TBC1D22A: variants seen among roughly 807,000 people sequenced by gnomAD.
The protein encoded by TBC1D22A is putative GTPase activator.
In TBC1D22A, 38 loss-of-function variants were observed where a neutral mutation model predicts 60.2. The observed-to-expected ratio is 0.63, with a 90% CI of 0.49 to 0.83. The LOEUF (loss-of-function observed/expected upper bound fraction) is 0.83, where lower values mean the gene tolerates loss of function less well. TBC1D22A is among the 40% of genes least tolerant of loss of function. The probability of loss-of-function intolerance (pLI) is 0.00; values close to 1 mark genes in which losing one functional copy is unlikely to be tolerated. For synonymous variants in TBC1D22A, 302 were observed against 281.7 expected, an observed-to-expected ratio of 1.07 and a Z score of -0.72; for missense variants, 628 against 701.0, an observed-to-expected ratio of 0.90 and a Z score of 1.18.
chr22:47,173,374 C>G (rs376516656), intron 12 of TBC1D22A, 124 bp from the exon 13 acceptor site: 1 of 1,321,510 alleles, frequency 7.6e-7, no homozygotes, highest in African/African-American at 1.5e-5. Flanking sequence ...CCTGGATCAC[C>G]CGCCCTGCAC....
chr22:46,987,180 C>T (rs1012962893), intron 9 of TBC1D22A, among the ~76,000 whole-genome samples: 5 of 152,140 alleles, frequency 3.3e-5, no homozygotes, highest in African/African-American at 7.2e-5. Flanking sequence ...GCCCCCTGTA[C>T]GCTTTTGGTG....
At chr22:46,987,154 T>TGTACTCAGAAGTCATGCCCCC (rs1483753095) in intron 9 of TBC1D22A, among the ~76,000 whole-genome samples, 2 of 152,166 alleles carry the variant, frequency 1.3e-5, no homozygotes, top group African/African-American at 4.8e-5. Flanking sequence ...AGTCACACAC[T>TGTACTCAGAAGTCATGCCCCC]GTACTCAGAA....
intron 1 of TBC1D22A, among the ~76,000 whole-genome samples, chr22:46,782,439 A>C (rs2083980218): frequency 6.6e-6 from 1 of 152,148 alleles, no homozygotes; most frequent in Admixed American, 6.5e-5. Context: ...CCTTCCTGGG[A>C]CACAATGGGG....
chr22:47,097,079 T>C (rs1481055817), intron 11 of TBC1D22A, among the ~76,000 whole-genome samples: 1 of 152,066 alleles, frequency 6.6e-6, no homozygotes, highest in Non-Finnish European at 1.5e-5. Flanking sequence ...CCACGTGGCC[T>C]CCACATGAGT....
chr22:46,975,042 A>G (rs913501954), intron 9 of TBC1D22A, among the ~76,000 whole-genome samples: 1 of 152,208 alleles, frequency 6.6e-6, no homozygotes, highest in African/African-American at 2.4e-5. Flanking sequence ...GTACCTGGGA[A>G]GGACCTTGTT....
At chr22:46,891,215 C>CTTAATAA (rs2068387260) in intron 5 of TBC1D22A, 51 bp from the exon 6 acceptor site, 2 of 1,538,804 alleles carry the variant, frequency 1.3e-6, no homozygotes, top group Non-Finnish European at 8.7e-7. Flanking sequence ...ATAATAGGGA[C>CTTAATAA]TCCATGAATT....
chr22:47,040,568 G>T (rs573656135), intron 11 of TBC1D22A, among the ~76,000 whole-genome samples: 1 of 151,986 alleles, frequency 6.6e-6, no homozygotes, highest in East Asian at 1.9e-4. Context: ...AAGCTCGGAT[G>T]GGGGGTGGGT....
chr22:46,972,365 G>T (rs77190180), intron 8 of TBC1D22A, among the ~76,000 whole-genome samples: 3,617 of 152,300 alleles, frequency 0.024, 62 homozygotes, highest in South Asian at 0.059. Flanking sequence ...GGCTCTCTGT[G>T]TCCACATTAC....
chr22:46,848,201 C>T (rs1158034743), intron 4 of TBC1D22A, among the ~76,000 whole-genome samples: 3 of 152,254 alleles, frequency 2.0e-5, no homozygotes, highest in African/African-American at 7.2e-5. Context: ...TCCCCACTCC[C>T]TCCAAAAAAA....
chr22:46,892,494 G>C (rs569783166), intron 6 of TBC1D22A, among the ~76,000 whole-genome samples: 1 of 152,146 alleles, frequency 6.6e-6, no homozygotes, highest in Non-Finnish European at 1.5e-5. Context: ...CCCCTGGCCC[G>C]TGTTGCCTTC....
At position 46,797,496 on chromosome 22, in the gene TBC1D22A, G is replaced by C; in HGVS notation, c.513G>C (p.Ser171=). 1.2e-6 allele frequency: 2 copies of C among 1,613,738 alleles called. No homozygotes were observed. Among genetic ancestry groups the C allele is most frequent in the Non-Finnish European group, 1.7e-6 (2 of 1,180,024 alleles). ...PLQRSQSLPH[S]ATVTLGGTSD... is the part of the protein sequence containing the mutation. Reference sequence around the variant, plus strand: ...AGAGGTCCCAGTCTCTCCCACACTCGGCCACCGTCACGCTGGGTGGCACAT... The same window carrying C: ...AGAGGTCCCAGTCTCTCCCACACTCCGCCACCGTCACGCTGGGTGGCACAT... Residue 171 remains serine (S), a synonymous_variant, in exon 4 of 13, where the codon TCG becomes TCC. Transcript: ENST00000337137.
chr22:46,889,892 G>C lies in TBC1D22A; in HGVS notation c.709-1374G>C, dbSNP rs545645407. Among the ~76,000 whole-genome samples, 5 of 152,316 alleles carry C rather than the reference G, an allele frequency of 3.3e-5. No individual in the cohort carries two copies. The South Asian group carries it at 1.0e-3, about 32-fold the overall frequency. Reference sequence around the variant, plus strand: ...GGGGCGGGGGGATAGAAGTGTGTCTGTATCTTCCTTGGAGCAGGAGTTACA... The same window carrying C: ...GGGGCGGGGGGATAGAAGTGTGTCTCTATCTTCCTTGGAGCAGGAGTTACA... On this transcript the variant is annotated intron_variant, in intron 5 of 12. Coordinates refer to ENST00000337137, the MANE Select transcript of TBC1D22A (RefSeq NM_014346.5).
intron 4 of TBC1D22A, among the ~76,000 whole-genome samples, chr22:46,873,718 G>C (rs1378102226): frequency 3.3e-5 from 5 of 151,778 alleles, no homozygotes; most frequent in Non-Finnish European, 7.4e-5. Flanking sequence ...TTGGTTTCCT[G>C]TTCCCGCGTT....
chr22:47,088,141 C>T (rs1328910928), intron 11 of TBC1D22A, among the ~76,000 whole-genome samples: 1 of 151,728 alleles, frequency 6.6e-6, no homozygotes, highest in Non-Finnish European at 1.5e-5. Flanking sequence ...TGGATTCTGC[C>T]CTTTGAAAAA....
chr22:46,938,195 G>A (rs6009064), intron 8 of TBC1D22A, among the ~76,000 whole-genome samples: 7 of 152,286 alleles, frequency 4.6e-5, no homozygotes, highest in African/African-American at 7.2e-5. Context: ...AAATGCCTTA[G>A]ACAGGTGTAC....
At chr22:47,149,336 A>G (rs5766699) in intron 12 of TBC1D22A, among the ~76,000 whole-genome samples, 77,104 of 152,168 alleles carry the variant, frequency 0.51, 21,225 homozygotes, top group East Asian at 0.76. Flanking sequence ...TTTCCCTCAA[A>G]TGGCTTTCAA....
chr22:46,885,121 C>G lies in TBC1D22A; in HGVS notation c.709-6145C>G, dbSNP rs553407701. On this transcript the variant is annotated intron_variant, in intron 5 of 12. Coordinates refer to ENST00000337137, the MANE Select transcript of TBC1D22A (RefSeq NM_014346.5). ...ACTGATGGACAGTCACCTGTGAGCCCGGCCAGTCTTCAGCGTCTCTGTATC... is the reference window on the plus strand; with the variant it reads ...ACTGATGGACAGTCACCTGTGAGCCGGGCCAGTCTTCAGCGTCTCTGTATC... 4.5e-4 allele frequency among the ~76,000 whole-genome samples: 68 copies of G among 152,322 alleles called. 1 individual carries two copies. In the Middle Eastern group the frequency reaches 0.024, roughly 53 times the overall value.
chr22:46,890,799 C>T (rs759253394), intron 5 of TBC1D22A, among the ~76,000 whole-genome samples: 8 of 152,110 alleles, frequency 5.3e-5, no homozygotes, highest in African/African-American at 2.4e-5. Flanking sequence ...TACGTACACA[C>T]GTATGTGTGT....
At chr22:46,996,356 C>T (rs1408213798) in intron 9 of TBC1D22A, among the ~76,000 whole-genome samples, 1 of 152,250 alleles carries the variant, frequency 6.6e-6, no homozygotes, top group Non-Finnish European at 1.5e-5. Flanking sequence ...CAGTGCTGGC[C>T]GGGCCAGAGG....
Sources: allele counts gnomAD v4.1 joint callset (sites outside exome capture counted in the v4.1 genomes callset), GRCh38; gene constraint gnomAD v4.1.1; transcripts MANE v1.5; gene names NCBI Gene and HGNC (gene_info 2026-07-23, HGNC 2026-07-21).